The following ARHGAP26 variants were observed in gnomAD, a reference collection of about 807,000 sequenced individuals.
The protein encoded by ARHGAP26 is rho GTPase-activating protein 26.
ARHGAP26 carries 38 observed loss-of-function variants against 104.8 expected under a neutral mutation model. The ratio of observed to expected loss-of-function variants is 0.36; its 90% CI spans 0.28 to 0.48. ARHGAP26 has a LOEUF of 0.48. ARHGAP26 is among the 20% of genes least tolerant of loss of function. The pLI, the probability that ARHGAP26 is intolerant of heterozygous loss-of-function variation, is 0.99. For missense variants in ARHGAP26, 704 were observed against 947.9 expected (o/e 0.74, Z 3.38); for synonymous variants, 341 against 340.0 (o/e 1.00, Z -0.03).
At chr5:142,869,201 CTTTTTTCT>C (rs1421316079) in intron 1 of ARHGAP26, among the ~76,000 whole-genome samples, 3 of 129,976 alleles carry the variant, frequency 2.3e-5, no homozygotes, top group African/African-American at 9.8e-5. Flanking sequence ...TTTTCTTTTT[CTTTTTTCT>C]TTTTTTTTTT....
At chr5:143,034,402 A>G (rs1161207823) in intron 12 of ARHGAP26, among the ~76,000 whole-genome samples, 1 of 152,220 alleles carries the variant, frequency 6.6e-6, no homozygotes, top group Admixed American at 6.5e-5. Context: ...TGGACCGTGG[A>G]ATATTATTTA....
intron 1 of ARHGAP26, among the ~76,000 whole-genome samples, chr5:142,819,584 T>C (rs1013691354): frequency 3.3e-5 from 5 of 152,280 alleles, no homozygotes; most frequent in Admixed American, 3.3e-4. Context: ...TGGTTCCAGA[T>C]CTCTGGATTA....
intron 21 of ARHGAP26, 88 bp from the exon 22 acceptor site, chr5:143,213,909 A>T: frequency 2.4e-6 from 2 of 837,668 alleles, no homozygotes; most frequent in Non-Finnish European, 3.7e-6. Context: ...TAGGTAGCTT[A>T]CAGGGAAAGG....
At chr5:143,215,969 C>T (rs1810287471) in intron 22 of ARHGAP26, among the ~76,000 whole-genome samples, 1 of 152,042 alleles carries the variant, frequency 6.6e-6, no homozygotes, top group South Asian at 2.1e-4. Flanking sequence ...GGGGATATAC[C>T]TAGGAGTGGG....
chr5:142,862,070 T>TTA (rs1205566457), intron 1 of ARHGAP26, among the ~76,000 whole-genome samples: 1 of 152,184 alleles, frequency 6.6e-6, no homozygotes, highest in Non-Finnish European at 1.5e-5. Flanking sequence ...TTGGGCTTGG[T>TTA]TATGGGTTGG....
chr5:142,920,368 A>G lies in ARHGAP26; in HGVS notation c.1028+7075A>G, dbSNP rs1763041915. 2.0e-5 allele frequency among the ~76,000 whole-genome samples: 3 copies of G among 152,216 alleles called. No individual in the cohort carries two copies. In the South Asian group the frequency reaches 6.2e-4, roughly 32 times the overall value. On this transcript the variant is annotated intron_variant, in intron 10 of 22. Coordinates refer to ENST00000645722, the MANE Select transcript of ARHGAP26 (RefSeq NM_001135608.3). ...TTTGTTTAGGCTAAAGAATCATGGT[A>G]CTAGTCATTTGCCAGCATCCCTGGA...
At position 143,226,485 on chromosome 5, in the gene ARHGAP26, GAAAAAA is replaced by G. The variant is rs57822966; in HGVS notation, c.*4055_*4060del. ...GACAGAGCCAGACTCCGTCTCAAAG[GAAAAAA>G]AAAAAAAAAAAAAAAGAATGCCATG... On this transcript the variant is annotated 3_prime_UTR_variant, in exon 23 of 23. Coordinates refer to ENST00000645722, the MANE Select transcript of ARHGAP26 (RefSeq NM_001135608.3). The G allele has an allele frequency of 2.3e-3, 318 of 140,550 alleles. No homozygotes were observed. The highest frequency in any genetic ancestry group is 0.012 in the East Asian group (109 of 9,348). The allele number at this position is 140,550 out of a possible 1,614,324, so 8.7% of individuals were successfully genotyped here.
At chr5:142,848,946 C>A (rs569753150) in intron 1 of ARHGAP26, among the ~76,000 whole-genome samples, 4 of 152,298 alleles carry the variant, frequency 2.6e-5, no homozygotes, top group African/African-American at 9.6e-5. Flanking sequence ...TGTTAGAGAT[C>A]TCAGGAGCAA....
Position 143,037,359 on chromosome 5 carries a change from C to A in ARHGAP26, c.1210+98C>A, listed in dbSNP as rs544109147. On this transcript the variant is annotated intron_variant, in intron 13 of 22. Coordinates refer to ENST00000645722, the MANE Select transcript of ARHGAP26 (RefSeq NM_001135608.3). ...TGCTGTTTCCTGACTTTAAGTGACT[C>A]ATTAGCTCCCCAAGTGCCATTGTCA... 19 of 959,064 alleles carry A rather than the reference C, an allele frequency of 2.0e-5. 1 individual carries two copies. In the South Asian group the frequency reaches 3.9e-4, roughly 20 times the overall value. 59.4% of individuals were successfully genotyped at this position (959,064 alleles called of 1,614,324 possible). A position where few individuals can be genotyped will look rare whatever the true frequency, so the allele number is the denominator to read the frequency against.
intron 12 of ARHGAP26, among the ~76,000 whole-genome samples, chr5:143,030,694 C>G (rs1460337928): frequency 6.6e-6 from 1 of 152,254 alleles, no homozygotes. Flanking sequence ...GTCATTTTGA[C>G]ACACTGCCCC....
At chr5:142,993,394 C>T (rs1295211531) in intron 11 of ARHGAP26, among the ~76,000 whole-genome samples, 1 of 152,008 alleles carries the variant, frequency 6.6e-6, no homozygotes, top group African/African-American at 2.4e-5. Flanking sequence ...TGGTCTCGAT[C>T]TCCTGACCTC....
At chr5:143,184,832 C>T (rs1435577856) in intron 20 of ARHGAP26, among the ~76,000 whole-genome samples, 2 of 152,132 alleles carry the variant, frequency 1.3e-5, no homozygotes, top group Admixed American at 1.3e-4. Context: ...AGGGAAGGAA[C>T]GTGTGTGAGG....
At chr5:142,927,264 A>G in intron 10 of ARHGAP26, among the ~76,000 whole-genome samples, 1 of 151,992 alleles carries the variant, frequency 6.6e-6, no homozygotes, top group Admixed American at 6.5e-5. Context: ...ATGAAGATAT[A>G]GAATGTTTCT....
chr5:143,105,719 A>G (rs1175421382), intron 17 of ARHGAP26, among the ~76,000 whole-genome samples: 1 of 152,188 alleles, frequency 6.6e-6, no homozygotes, highest in Non-Finnish European at 1.5e-5. Context: ...CCACGTGTGC[A>G]TTCTGCTGAT....
At chr5:142,788,382 G>A (rs1178692886) in intron 1 of ARHGAP26, among the ~76,000 whole-genome samples, 1 of 152,102 alleles carries the variant, frequency 6.6e-6, no homozygotes, top group East Asian at 1.9e-4. Context: ...TGCTGGTTTA[G>A]CAGAACCTTG....
At chr5:142,971,435 C>T (rs1772256376) in intron 11 of ARHGAP26, among the ~76,000 whole-genome samples, 1 of 152,184 alleles carries the variant, frequency 6.6e-6, no homozygotes, top group African/African-American at 2.4e-5. Flanking sequence ...GTGTTCTTGT[C>T]TCACTGAAGC....
At chr5:143,004,525 T>C (rs2152795296) in intron 11 of ARHGAP26, among the ~76,000 whole-genome samples, 1 of 152,326 alleles carries the variant, frequency 6.6e-6, no homozygotes, top group South Asian at 2.1e-4. Context: ...AGAAGGGGGC[T>C]TAGGTCTGTG....
intron 10 of ARHGAP26, chr5:142,915,582 A>C (rs914018383): frequency 2.6e-5 from 4 of 151,526 alleles, no homozygotes; most frequent in African/African-American, 9.7e-5. Flanking sequence ...CTGGTCCTGA[A>C]CTCCTGACCT....
At chr5:143,000,950 T>C (rs168667) in intron 11 of ARHGAP26, among the ~76,000 whole-genome samples, 143,941 of 152,126 alleles carry the variant, frequency 0.95, 68,345 homozygotes, top group Non-Finnish European at 0.99. Flanking sequence ...ATCTAGATGA[T>C]GGGTGGATAG....
Sources: allele counts gnomAD v4.1 joint callset (sites outside exome capture counted in the v4.1 genomes callset), GRCh38; gene constraint gnomAD v4.1.1; transcripts MANE v1.5; gene names NCBI Gene and HGNC (gene_info 2026-07-23, HGNC 2026-07-21).